The following KRT86 variants were observed in gnomAD, a reference collection of about 807,000 sequenced individuals.
KRT86 encodes keratin, type II cuticular Hb6.
Under a neutral mutation model 41.2 loss-of-function variants are expected in KRT86, and 30 were observed. The ratio of observed to expected loss-of-function variants is 0.73; its 90% CI spans 0.54 to 0.99. KRT86 has a LOEUF of 0.99. Ranked by LOEUF, KRT86 falls within the 50% of genes least tolerant of loss-of-function variation. The pLI, the probability that KRT86 is intolerant of heterozygous loss-of-function variation, is 0.00. For synonymous variants in KRT86, 238 were observed against 238.1 expected, an observed-to-expected ratio of 1.00 and a Z score of 0.00; for missense variants, 561 against 571.4, an observed-to-expected ratio of 0.98 and a Z score of 0.19.
intron 2 of KRT86, among the ~76,000 whole-genome samples, chr12:52,298,212 G>GC (rs1938291839): frequency 6.6e-6 from 1 of 152,220 alleles, no homozygotes; most frequent in Non-Finnish European, 1.5e-5. Context: ...CTGGAGCAGA[G>GC]ATTGAAGGAG....
chr12:52,304,676 G>A (rs1938459645), intron 5 of KRT86, among the ~76,000 whole-genome samples: 1 of 151,866 alleles, frequency 6.6e-6, no homozygotes. Flanking sequence ...TGGAGCAGGA[G>A]AGGGGAGAAA....
chr12:52,307,047 C>CT (rs67766873), intron 9 of KRT86: 21,106 of 151,478 alleles, frequency 0.14, 1,474 homozygotes, highest in South Asian at 0.24. Flanking sequence ...CTCGAAGCTC[C>CT]TTTTTTTTTG....
At chr12:52,294,668 T>A (rs1938208594) in intron 2 of KRT86, among the ~76,000 whole-genome samples, 1 of 152,200 alleles carries the variant, frequency 6.6e-6, no homozygotes, top group African/African-American at 2.4e-5. Context: ...ACCTACCACT[T>A]ATAGGAAAAA....
At position 52,305,734 on chromosome 12, in the gene KRT86, G is replaced by A; in HGVS notation, c.972G>A (p.Glu324=). 6.2e-7 allele frequency: 1 copy of A among 1,614,084 alleles called. No individual in the cohort carries two copies. Among genetic ancestry groups the A allele is most frequent in the Non-Finnish European group, 8.5e-7 (1 of 1,179,916 alleles). ...GCCGCACCAAGGAGGAGATCAACGA[G>A]CTGAACCGCATGATCCAGAGGCTGA... ...TLRRTKEEIN[E]LNRMIQRLTA... is the part of the protein sequence containing the mutation. The change falls in exon 8 of 11, where the codon GAG becomes GAA. Residue 324 remains glutamate (E), a synonymous_variant. Transcript: ENST00000423955.
intron 2 of KRT86, among the ~76,000 whole-genome samples, chr12:52,280,272 T>C (rs1937741780): frequency 6.6e-6 from 1 of 152,180 alleles, no homozygotes; most frequent in Non-Finnish European, 1.5e-5. Context: ...GTCCGAGTTT[T>C]TACAAGGCAT....
rs1384262665 is a variant in KRT86 at position 52,306,212 on chromosome 12, G to C, written c.1179G>C (p.Met393Ile). The C allele has an allele frequency of 1.2e-6, 2 of 1,613,680 alleles. No individual in the cohort carries two copies. Among genetic ancestry groups the C allele is most frequent in the Admixed American group, 1.7e-5 (1 of 60,018 alleles). Residue 393 changes from methionine to isoleucine, a missense_variant, in exon 9 of 11, where the codon ATG (methionine) becomes ATC (isoleucine). Coordinates refer to ENST00000423955, the MANE Select transcript of KRT86 (RefSeq NM_001320198.2). ...ACLIREYQEVMNSKLGLDIEI... is the reference protein window; with the variant it reads ...ACLIREYQEVINSKLGLDIEI... ...TGATCAGGGAGTACCAGGAGGTGAT[G>C]AACTCCAAGCTGGGCCTGGACATCG...
At chr12:52,306,317 C>T (rs777348717) in intron 9 of KRT86, 37 bp downstream of exon 9, 4 of 1,612,678 alleles carry the variant, frequency 2.5e-6, no homozygotes, top group Non-Finnish European at 3.4e-6. Context: ...CCAGCCCTGC[C>T]AGGGTTCTCA....
chr12:52,285,362 TAAA>T (rs55722924), intron 2 of KRT86, among the ~76,000 whole-genome samples: 2 of 148,646 alleles, frequency 1.3e-5, no homozygotes, highest in Admixed American at 6.7e-5. Flanking sequence ...TGATGCCATT[TAAA>T]AAAAAAAAAA....
chr12:52,300,940 G>A (rs1313122028), intron 2 of KRT86, among the ~76,000 whole-genome samples: 5 of 152,148 alleles, frequency 3.3e-5, no homozygotes, highest in Non-Finnish European at 5.9e-5. Context: ...TGGGGCCAGT[G>A]GGCTAGTGTG....
At chr12:52,286,586 GAA>G in intron 2 of KRT86, 1 of 1,351,504 alleles carries the variant, frequency 7.4e-7, no homozygotes, top group South Asian at 1.2e-5. Flanking sequence ...GCTCTGGTAT[GAA>G]AAGTCAGAAG....
chr12:52,304,994 G>A lies in KRT86; in HGVS notation c.702G>A (p.Gln234=), dbSNP rs1390897907. The change falls in exon 6 of 11, where the codon CAG becomes CAA. Residue 234 remains glutamine (Q), a synonymous_variant. Coordinates refer to ENST00000423955, the MANE Select transcript of KRT86 (RefSeq NM_001320198.2). ...DLEANVEALI[Q]EIDFLRRLYE... is the part of the protein sequence containing the mutation. The stretch of plus-strand genomic sequence containing the variant: ...AGGCCAATGTGGAGGCCCTGATCCA[G>A]GAGATCGACTTCCTGAGGCGGCTGT... 3 of 1,614,054 alleles carry A rather than the reference G, an allele frequency of 1.9e-6. No homozygotes were observed. Among genetic ancestry groups the A allele is most frequent in the Non-Finnish European group, 2.5e-6 (3 of 1,180,030 alleles).
intron 2 of KRT86, among the ~76,000 whole-genome samples, chr12:52,293,525 G>C (rs780625676): frequency 5.9e-5 from 9 of 152,178 alleles, no homozygotes; most frequent in Non-Finnish European, 1.0e-4. Flanking sequence ...AAGACGGGCA[G>C]AGTCAGAGTG....
At chr12:52,294,792 GC>G (rs1268420029) in intron 2 of KRT86, among the ~76,000 whole-genome samples, 2 of 152,038 alleles carry the variant, frequency 1.3e-5, no homozygotes, top group Admixed American at 6.6e-5. Flanking sequence ...TTATTCCTTT[GC>G]TTTTCTTACA....
In KRT86 at chr12:52,282,236, AT is replaced by A. The variant is rs11376852; in HGVS notation, c.-5+6304del. Among the ~76,000 whole-genome samples, 471 of 145,552 alleles carry A rather than the reference AT, an allele frequency of 3.2e-3. 5 individuals are homozygous for A. The highest frequency in any genetic ancestry group is 9.3e-3 in the African/African-American group (366 of 39,564). ...GAAGGTTTTTGAGCCCCCTGAAACA[AT>A]TTTTTTTTTTTTTGAGACAAAGCCT... On this transcript the variant is annotated intron_variant, in intron 2 of 10. Transcript: ENST00000423955.
At chr12:52,291,408 G>A in intron 2 of KRT86, 3 of 1,610,994 alleles carry the variant, frequency 1.9e-6, no homozygotes, top group South Asian at 2.2e-5. Context: ...CCGGGCCGCG[G>A]CCCGCAGGCC....
At chr12:52,301,301 G>A (rs1176623213) in intron 2 of KRT86, among the ~76,000 whole-genome samples, 1 of 152,076 alleles carries the variant, frequency 6.6e-6, no homozygotes, top group Non-Finnish European at 1.5e-5. Context: ...AGGGATTTGG[G>A]AGTAGGTGTG....
At chr12:52,288,195 C>A (rs746195447) in intron 2 of KRT86, 5 of 1,598,660 alleles carry the variant, frequency 3.1e-6, no homozygotes, top group Admixed American at 3.4e-5. Context: ...ACAGCCCCAC[C>A]CACCATGTCC....
chr12:52,280,162 C>T (rs907554262), intron 2 of KRT86, among the ~76,000 whole-genome samples: 6 of 152,038 alleles, frequency 3.9e-5, no homozygotes, highest in South Asian at 2.1e-4. Flanking sequence ...GATCTGGTGG[C>T]GGGCAGAGGA....
intron 2 of KRT86, among the ~76,000 whole-genome samples, chr12:52,283,951 C>T (rs531586138): frequency 3.5e-4 from 53 of 152,146 alleles, no homozygotes; most frequent in Non-Finnish European, 5.0e-4. Flanking sequence ...GGAATGGGAA[C>T]CTAGAGGGAG....
Sources: gnomAD v4.1 joint callset for allele counts (sites outside exome capture counted in the v4.1 genomes callset) on GRCh38, gnomAD v4.1.1 for gene constraint, MANE v1.5 for transcripts, NCBI Gene and HGNC (gene_info 2026-07-23, HGNC 2026-07-21) for gene names.